The following TSHZ2 variants were observed in gnomAD, a reference collection of about 807,000 sequenced individuals.
TSHZ2 encodes the protein teashirt homolog 2.
Under a neutral mutation model 74.4 loss-of-function variants are expected in TSHZ2, and 21 were observed. The ratio of observed to expected loss-of-function variants is 0.28; its 90% CI spans 0.20 to 0.41. TSHZ2 has a LOEUF of 0.41. Among genes scored for constraint, TSHZ2 ranks in the 10% least tolerant of loss-of-function variants. The probability of loss-of-function intolerance (pLI) is 1.00; values close to 1 mark genes in which losing one functional copy is unlikely to be tolerated. For synonymous variants in TSHZ2, 540 were observed against 515.3 expected, an observed-to-expected ratio of 1.05 and a Z score of -0.65; for missense variants, 1,244 against 1,293.5, an observed-to-expected ratio of 0.96 and a Z score of 0.59.
intron 1 of TSHZ2, among the ~76,000 whole-genome samples, chr20:53,246,697 C>G (rs1321893050): frequency 6.6e-6 from 1 of 152,176 alleles, no homozygotes. Flanking sequence ...AATGAATAAA[C>G]AGATGAACCA....
intron 1 of TSHZ2, among the ~76,000 whole-genome samples, chr20:53,235,137 C>G (rs868829615): frequency 9.5e-4 from 69 of 72,430 alleles, no homozygotes; most frequent in Admixed American, 1.1e-3. Flanking sequence ...TTGGGCGGGG[C>G]GGGGGGGGGG....
intron 2 of TSHZ2, among the ~76,000 whole-genome samples, chr20:53,448,027 C>G (rs182931357): frequency 1.9e-4 from 29 of 152,034 alleles, no homozygotes; most frequent in Non-Finnish European, 3.4e-4. Context: ...CATTCTCCTG[C>G]CTCAGCCTCC....
intron 1 of TSHZ2, among the ~76,000 whole-genome samples, chr20:53,001,238 G>GTGTGTA (rs1982426470): frequency 6.8e-6 from 1 of 146,150 alleles, no homozygotes; most frequent in Non-Finnish European, 1.5e-5. Context: ...GTGTGTGTGT[G>GTGTGTA]TGTGTGTGTG....
intron 2 of TSHZ2, among the ~76,000 whole-genome samples, chr20:53,446,896 A>G (rs1984573156): frequency 1.3e-5 from 2 of 152,254 alleles, no homozygotes; most frequent in South Asian, 4.2e-4. Context: ...TGCCCCACTC[A>G]TGGTTCACCC....
chr20:53,223,931 AC>A (rs929207821), intron 1 of TSHZ2, among the ~76,000 whole-genome samples: 1 of 130,160 alleles, frequency 7.7e-6, no homozygotes, highest in South Asian at 2.5e-4. Flanking sequence ...ACACACACAC[AC>A]CCCTAAGTTT....
intron 1 of TSHZ2, among the ~76,000 whole-genome samples, chr20:52,984,519 A>T (rs966218062): frequency 6.6e-6 from 1 of 152,194 alleles, no homozygotes; most frequent in African/African-American, 2.4e-5. Flanking sequence ...GGCTAGAGCT[A>T]CTGGGAGGAA....
At chr20:53,330,129 G>C (rs1169513200) in intron 2 of TSHZ2, among the ~76,000 whole-genome samples, 2 of 152,154 alleles carry the variant, frequency 1.3e-5, no homozygotes, top group Non-Finnish European at 2.9e-5. Context: ...AAGTTTGCCA[G>C]CTCCTGATCT....
intron 2 of TSHZ2, among the ~76,000 whole-genome samples, chr20:53,391,875 A>C (rs1399453972): frequency 1.3e-5 from 2 of 152,194 alleles, no homozygotes. Context: ...CCTGGGAGGC[A>C]GAGGTTGCAG....
intron 1 of TSHZ2, among the ~76,000 whole-genome samples, chr20:53,045,269 G>C (rs897370277): frequency 6.6e-6 from 1 of 152,104 alleles, no homozygotes; most frequent in Admixed American, 6.5e-5. Context: ...CTCACTTCTG[G>C]TCACATTTCT....
chr20:53,108,982 A>G (rs1986455868), intron 1 of TSHZ2, among the ~76,000 whole-genome samples: 1 of 152,044 alleles, frequency 6.6e-6, no homozygotes, highest in South Asian at 2.1e-4. Flanking sequence ...AACTCAGGAC[A>G]GTTCTTGGGA....
chr20:53,402,535 T>C (rs1332435612), intron 2 of TSHZ2, among the ~76,000 whole-genome samples: 1 of 152,154 alleles, frequency 6.6e-6, no homozygotes, highest in Non-Finnish European at 1.5e-5. Context: ...CACCTAAGGA[T>C]GCATTTCTCA....
chr20:53,168,991 TTA>T (rs1203450774), intron 1 of TSHZ2: 1 of 152,198 alleles, frequency 6.6e-6, no homozygotes, highest in Non-Finnish European at 1.5e-5. Context: ...TAAACAATAG[TTA>T]TGACAGTACA....
chr20:53,435,715 A>G (rs1984030370), intron 2 of TSHZ2, among the ~76,000 whole-genome samples: 1 of 152,162 alleles, frequency 6.6e-6, no homozygotes, highest in African/African-American at 2.4e-5. Context: ...TGGATTCACC[A>G]TATTGGTCAG....
intron 1 of TSHZ2, among the ~76,000 whole-genome samples, chr20:53,089,570 G>A (rs1229413362): frequency 6.6e-6 from 1 of 152,074 alleles, no homozygotes; most frequent in East Asian, 1.9e-4. Flanking sequence ...ATTTGCCCTT[G>A]AGAAAAATCA....
intron 2 of TSHZ2, among the ~76,000 whole-genome samples, chr20:53,409,957 C>T (rs1030423812): frequency 9.0e-5 from 12 of 133,234 alleles, no homozygotes; most frequent in Admixed American, 2.7e-4. Context: ...AGAGATTATT[C>T]TGTCTCAGCC....
chr20:52,974,669 A>G (rs1243670336), intron 1 of TSHZ2, among the ~76,000 whole-genome samples: 1 of 152,226 alleles, frequency 6.6e-6, no homozygotes, highest in Admixed American at 6.5e-5. Flanking sequence ...AGTCACCCTT[A>G]GAACAAATCC....
chr20:53,053,401 A>G (rs1984539567), intron 1 of TSHZ2, among the ~76,000 whole-genome samples: 1 of 152,140 alleles, frequency 6.6e-6, no homozygotes, highest in Admixed American at 6.5e-5. Flanking sequence ...TTTCTCTACC[A>G]AATGTGCTTA....
intron 2 of TSHZ2, among the ~76,000 whole-genome samples, chr20:53,428,372 C>T (rs1208902447): frequency 6.6e-6 from 1 of 152,180 alleles, no homozygotes; most frequent in Non-Finnish European, 1.5e-5. Context: ...CTGTAGAAAA[C>T]ATGGCACTAA....
intron 2 of TSHZ2, among the ~76,000 whole-genome samples, chr20:53,453,506 A>T (rs986426688): frequency 1.3e-5 from 2 of 152,116 alleles, no homozygotes; most frequent in Non-Finnish European, 2.9e-5. Flanking sequence ...GTGCTCTAAT[A>T]ATAGAGGAGG....
Sources: gnomAD v4.1 joint callset for allele counts (sites outside exome capture counted in the v4.1 genomes callset) on GRCh38, gnomAD v4.1.1 for gene constraint, MANE v1.5 for transcripts, NCBI Gene and HGNC (gene_info 2026-07-23, HGNC 2026-07-21) for gene names.